The following SIMC1 variants were observed in gnomAD, a reference collection of about 807,000 sequenced individuals.
SIMC1 encodes the protein SUMO interacting motifs containing 1.
Under a neutral mutation model 82.3 loss-of-function variants are expected in SIMC1, and 55 were observed. That is an observed-to-expected ratio of 0.67 (90% CI 0.54 to 0.84). The LOEUF (loss-of-function observed/expected upper bound fraction) is 0.84, where lower values mean the gene tolerates loss of function less well. SIMC1 is among the 40% of genes least tolerant of loss of function. The probability of loss-of-function intolerance (pLI) is 0.00; values close to 1 mark genes in which losing one functional copy is unlikely to be tolerated. For synonymous variants in SIMC1, 353 were observed against 426.3 expected (o/e 0.83, Z 2.12); for missense variants, 915 against 1,107.2 (o/e 0.83, Z 2.46).
chr5:176,301,267 A>G (rs1198948347), intron 4 of SIMC1, among the ~76,000 whole-genome samples: 1 of 151,934 alleles, frequency 6.6e-6, no homozygotes, highest in Non-Finnish European at 1.5e-5. Flanking sequence ...ATGAGATCTG[A>G]TGGTTTTATA....
intron 4 of SIMC1, among the ~76,000 whole-genome samples, chr5:176,306,047 C>A (rs1278712527): frequency 3.0e-4 from 25 of 82,950 alleles, no homozygotes; most frequent in African/African-American, 9.6e-4. Flanking sequence ...GGGGTCAGCC[C>A]CCCCGCCCGG....
chr5:176,276,518 A>G (rs1347379209), intron 1 of SIMC1, among the ~76,000 whole-genome samples: 1 of 149,962 alleles, frequency 6.7e-6, no homozygotes, highest in East Asian at 2.0e-4. Context: ...ACATATGTAT[A>G]CATGTGCTGT....
chr5:176,283,466 G>A (rs1763110723), intron 1 of SIMC1, among the ~76,000 whole-genome samples: 1 of 152,164 alleles, frequency 6.6e-6, no homozygotes, highest in Admixed American at 6.5e-5. Flanking sequence ...TTACAGAGAA[G>A]CAAATGCTGA....
rs1448514608 is a variant in SIMC1, at chr5:176,253,688, A to G, written c.129+15051A>G. Reference sequence around the variant, plus strand: ...TAGCTCTCAAGCTAAGTTTACCTGGAGTTCATTATTAAGTTTAATTTTATC... The same window carrying G: ...TAGCTCTCAAGCTAAGTTTACCTGGGGTTCATTATTAAGTTTAATTTTATC... On this transcript the variant is annotated intron_variant, in intron 1 of 9. Transcript: ENST00000429602. Among the ~76,000 whole-genome samples, 4 of 152,190 alleles carry G rather than the reference A, an allele frequency of 2.6e-5. No homozygotes were observed. The South Asian group carries it at 6.2e-4, about 24-fold the overall frequency.
At chr5:176,270,087 G>A (rs1762360956) in intron 1 of SIMC1, 1 of 151,258 alleles carries the variant, frequency 6.6e-6, no homozygotes. Context: ...ACAAAATATC[G>A]ATTCACTGAA....
intron 1 of SIMC1, among the ~76,000 whole-genome samples, chr5:176,271,489 G>C (rs1762425718): frequency 6.6e-6 from 1 of 152,132 alleles, no homozygotes; most frequent in South Asian, 2.1e-4. Flanking sequence ...GGCACACAAA[G>C]ACAAACTTTG....
chr5:176,321,723 G>A (rs1439416674), intron 5 of SIMC1, among the ~76,000 whole-genome samples: 1 of 152,074 alleles, frequency 6.6e-6, no homozygotes, highest in Non-Finnish European at 1.5e-5. Context: ...ATTAATAGGT[G>A]ACAATAATAT....
chr5:176,238,613 C>A lies in SIMC1; in HGVS notation c.105C>A (p.Ser35=). 2.4e-6 allele frequency: 3 copies of A among 1,236,930 alleles called. No individual in the cohort carries two copies. The highest frequency in any genetic ancestry group is 3.2e-5 in the South Asian group (1 of 31,600). The allele number at this position is 1,236,930 out of a possible 1,614,324, so 76.6% of individuals were successfully genotyped here. A position where few individuals can be genotyped will look rare whatever the true frequency, so the allele number is the denominator to read the frequency against. ...RRPRRALSRT[S]GALPRRTVDF... ...CGCGCCGGGCCCTGTCGCGAACCTC[C>A]GGCGCGCTGCCCCGCCGGACCGTGG... is the stretch of plus-strand genomic sequence containing the variant. Residue 35 remains serine (S), a synonymous_variant, in exon 1 of 10, where the codon TCC becomes TCA. Transcript: ENST00000429602.
chr5:176,325,395 AAAAAT>A (rs1291267086), intron 7 of SIMC1, among the ~76,000 whole-genome samples: 1 of 150,998 alleles, frequency 6.6e-6, no homozygotes, highest in Admixed American at 6.6e-5. Flanking sequence ...CAAAAAAAAT[AAAAAT>A]AAAGGCCGGC....
chr5:176,319,628 C>A (rs1277864103), intron 5 of SIMC1, among the ~76,000 whole-genome samples: 1 of 152,110 alleles, frequency 6.6e-6, no homozygotes, highest in Non-Finnish European at 1.5e-5. Flanking sequence ...GAGTTCAAGA[C>A]CAACCTGGGC....
chr5:176,308,688 T>C (rs1416454609), intron 4 of SIMC1: 1 of 1,539,856 alleles, frequency 6.5e-7, no homozygotes, highest in African/African-American at 1.4e-5. Flanking sequence ...AGAGGAAAGG[T>C]ATGAGAGAAT....
chr5:176,330,920 T>C (rs1224455256), intron 7 of SIMC1, among the ~76,000 whole-genome samples: 1 of 152,176 alleles, frequency 6.6e-6, no homozygotes, highest in Admixed American at 6.5e-5. Flanking sequence ...CATAGTCAAG[T>C]GATCAAAGTT....
At chr5:176,304,008 A>C (rs868754274) in intron 4 of SIMC1, among the ~76,000 whole-genome samples, 24 of 152,354 alleles carry the variant, frequency 1.6e-4, no homozygotes, top group African/African-American at 5.8e-4. Flanking sequence ...GATTTCTTGA[A>C]TATTACACCA....
chr5:176,305,574 G>A (rs1764303020), intron 4 of SIMC1, among the ~76,000 whole-genome samples: 1 of 144,902 alleles, frequency 6.9e-6, no homozygotes, highest in Non-Finnish European at 1.5e-5. Context: ...CGTCCGGGAG[G>A]GAGGTGGGGG....
chr5:176,331,385 A>T (rs1765662112), intron 7 of SIMC1, among the ~76,000 whole-genome samples: 1 of 139,790 alleles, frequency 7.2e-6, no homozygotes, highest in Non-Finnish European at 1.6e-5. Context: ...AAAAAAAAAA[A>T]GTCAGTATCA....
At chr5:176,316,680 ACT>A (rs1474312187) in intron 5 of SIMC1, among the ~76,000 whole-genome samples, 1 of 146,550 alleles carries the variant, frequency 6.8e-6, no homozygotes, top group Non-Finnish European at 1.5e-5. Context: ...CAAGAGGGAA[ACT>A]CTGTCTCAAA....
chr5:176,343,158 T>C (rs934759931), intron 9 of SIMC1, among the ~76,000 whole-genome samples: 3 of 152,210 alleles, frequency 2.0e-5, no homozygotes, highest in African/African-American at 2.4e-5. Flanking sequence ...AAAAAACATA[T>C]TGAATGTATT....
chr5:176,279,373 T>C (rs1485144796), intron 1 of SIMC1, among the ~76,000 whole-genome samples: 1 of 152,218 alleles, frequency 6.6e-6, no homozygotes, highest in Non-Finnish European at 1.5e-5. Flanking sequence ...TTTTTTTCTT[T>C]ATTAGTCTTG....
At chr5:176,276,085 G>C (rs1762679583) in intron 1 of SIMC1, among the ~76,000 whole-genome samples, 1 of 151,610 alleles carries the variant, frequency 6.6e-6, no homozygotes, top group Non-Finnish European at 1.5e-5. Flanking sequence ...GAATTCGGCT[G>C]TGAATCCATC....
Sources: allele counts gnomAD v4.1 joint callset (sites outside exome capture counted in the v4.1 genomes callset), GRCh38; gene constraint gnomAD v4.1.1; transcripts MANE v1.5; gene names NCBI Gene and HGNC (gene_info 2026-07-23, HGNC 2026-07-21).